Variants in PGBD2 observed in about 807,000 individuals in gnomAD.
PGBD2 encodes piggyBac transposable element derived 2.
PGBD2 carries 6 observed loss-of-function variants against 8.1 expected under a neutral mutation model. That is an observed-to-expected ratio of 0.74 (90% CI 0.40 to 1.46). PGBD2 has a LOEUF of 1.46. Among genes scored for constraint, PGBD2 ranks in the 40% most tolerant of loss-of-function variants. PGBD2 has a pLI of 0.02. For missense variants in PGBD2, 802 were observed against 739.0 expected, an observed-to-expected ratio of 1.09 and a Z score of -0.99; for synonymous variants, 318 against 272.2, an observed-to-expected ratio of 1.17 and a Z score of -1.66.
the PGBD2 span, among the ~76,000 whole-genome samples, chr1:248,873,401 C>T: frequency 6.6e-6 from 1 of 152,146 alleles, no homozygotes; most frequent in African/African-American, 2.4e-5. Flanking sequence ...GGGGAGGGTA[C>T]GCGCAGGCAC....
Position 248,918,502 on chromosome 1 carries a change from A to G in PGBD2, c.*139A>G, listed in dbSNP as rs2103118986. On this transcript the variant is annotated 3_prime_UTR_variant, in exon 3 of 3. Coordinates refer to ENST00000329291, the MANE Select transcript of PGBD2 (RefSeq NM_170725.3). The stretch of plus-strand genomic sequence containing the variant: ...ATTTTCTATTTTCTCCCTACCCACA[A>G]TACAGTTATCTTTTTTATTGTGTTG... The G allele has an allele frequency of 5.5e-6, 4 of 731,616 alleles. No homozygotes were observed. The East Asian group carries it at 1.2e-4, about 22-fold the overall frequency. 45.3% of individuals were successfully genotyped at this position (731,616 alleles called of 1,614,324 possible).
At position 248,918,609 on chromosome 1, in the gene PGBD2, A is replaced by T. The variant is rs989518648; in HGVS notation, c.*246A>T. On this transcript the variant is annotated 3_prime_UTR_variant, in exon 3 of 3. Transcript: ENST00000329291. ...TGAACTTATTTATTTAAAGTTATGGATCACTTTTTATTCAAATAAAAGTTG... is the reference window on the plus strand; with the variant it reads ...TGAACTTATTTATTTAAAGTTATGGTTCACTTTTTATTCAAATAAAAGTTG... 4 of 201,924 alleles carry T rather than the reference A, an allele frequency of 2.0e-5. No individual in the cohort carries two copies. The highest frequency in any genetic ancestry group is 1.2e-4 in the East Asian group (1 of 8,198). The allele number at this position is 201,924 out of a possible 1,614,324, so 12.5% of individuals were successfully genotyped here. A position where few individuals can be genotyped will look rare whatever the true frequency, so the allele number is the denominator to read the frequency against.
At chr1:248,874,271 A>G in the PGBD2 span, among the ~76,000 whole-genome samples, 31 of 152,188 alleles carry the variant, frequency 2.0e-4, 1 homozygote, top group Non-Finnish European at 3.2e-4. Flanking sequence ...AGTGGTTAGG[A>G]TTCGGCGCTC....
At chr1:248,883,212 C>T in the PGBD2 span, among the ~76,000 whole-genome samples, 14 of 152,268 alleles carry the variant, frequency 9.2e-5, no homozygotes, top group East Asian at 2.1e-3. Flanking sequence ...CAACCTCCGC[C>T]TCCCAGGTTC....
chr1:248,904,572 AC>A (rs1256520328), upstream of PGBD2, among the ~76,000 whole-genome samples: 6 of 152,054 alleles, frequency 3.9e-5, no homozygotes, highest in Admixed American at 2.6e-4. Context: ...TGTTGAACTC[AC>A]CCCCTCTTTG....
chr1:248,891,773 A>G, the PGBD2 span, among the ~76,000 whole-genome samples: 4 of 152,212 alleles, frequency 2.6e-5, no homozygotes, highest in Non-Finnish European at 5.9e-5. Flanking sequence ...GCAGTGAGCC[A>G]AGATTGAGCC....
the PGBD2 span, among the ~76,000 whole-genome samples, chr1:248,895,791 G>A: frequency 1.3e-4 from 20 of 151,926 alleles, no homozygotes; most frequent in Admixed American, 1.2e-3. Context: ...AGGTTCAAGC[G>A]ATTCTCTTGC....
At chr1:248,924,690 A>T (rs1185264708), downstream of PGBD2, among the ~76,000 whole-genome samples, 1 of 152,236 alleles carries the variant, frequency 6.6e-6, no homozygotes, top group Non-Finnish European at 1.5e-5. Context: ...TTCAAAAAGT[A>T]GCAAAGACAC....
chr1:248,924,230 GTTCT>G (rs1662341549), downstream of PGBD2, among the ~76,000 whole-genome samples: 1 of 152,224 alleles, frequency 6.6e-6, no homozygotes, highest in Admixed American at 6.5e-5. Context: ...AGTTGATGGA[GTTCT>G]TTCTTATGCG....
chr1:248,918,155 A>T lies in PGBD2; in HGVS notation c.1571A>T (p.Tyr524Phe), dbSNP rs368710878. The change falls in exon 3 of 3, where the codon TAT (tyrosine) becomes TTT (phenylalanine). Residue 524 changes from tyrosine (Y) to phenylalanine (F), a missense_variant. Tyr to Phe is a conservative substitution (Grantham distance 22). Transcript: ENST00000329291. ...TTCCGGAGATACATTGCCTGTGTGTATCTGGAGAGCAATGCTGACACAACA... is the reference window on the plus strand; with the variant it reads ...TTCCGGAGATACATTGCCTGTGTGTTTCTGGAGAGCAATGCTGACACAACA... Reference protein sequence around the residue: ...LAFRRYIACVYLESNADTTSQ... With the variant: ...LAFRRYIACVFLESNADTTSQ... The T allele has an allele frequency of 1.2e-6, 2 of 1,614,186 alleles. No homozygotes were observed. The highest frequency in any genetic ancestry group is 8.5e-7 in the Non-Finnish European group (1 of 1,180,034).
At chr1:248,888,164 A>G in the PGBD2 span, among the ~76,000 whole-genome samples, 1,388 of 152,298 alleles carry the variant, frequency 9.1e-3, 5 homozygotes, top group Non-Finnish European at 0.015. Context: ...TCCACCGTGG[A>G]TGGTCATCTA....
At chr1:248,924,368 A>AT (rs112108095), downstream of PGBD2, among the ~76,000 whole-genome samples, 1,312 of 152,330 alleles carry the variant, frequency 8.6e-3, 17 homozygotes, top group African/African-American at 0.029. Flanking sequence ...GATAAAAGTC[A>AT]TTTTTTAATC....
At position 248,917,654 on chromosome 1, in the gene PGBD2, T is replaced by A; in HGVS notation, c.1070T>A (p.Val357Asp). 6.2e-7 allele frequency: 1 copy of A among 1,614,204 alleles called. No homozygotes were observed. The highest frequency in any genetic ancestry group is 8.5e-7 in the Non-Finnish European group (1 of 1,180,032). Residue 357 changes from valine to aspartate, a missense_variant, in exon 3 of 3, where the codon GTT becomes GAT. Coordinates refer to ENST00000329291, the MANE Select transcript of PGBD2 (RefSeq NM_170725.3). Reference protein sequence around the residue: ...HIFFDKVFTSVKLMSILRKKG... With the variant: ...HIFFDKVFTSDKLMSILRKKG... ...TTTTTTGACAAGGTTTTCACAAGTG[T>A]TAAACTGATGTCCATTTTGAGGAAA... is the stretch of plus-strand genomic sequence containing the variant.
At chr1:248,929,752 CAA>C in the PGBD2 span, among the ~76,000 whole-genome samples, 1 of 152,098 alleles carries the variant, frequency 6.6e-6, no homozygotes, top group Admixed American at 6.5e-5. Context: ...GGTGTTTCCC[CAA>C]AACACTGATG....
At chr1:248,927,038 G>T in the PGBD2 span, among the ~76,000 whole-genome samples, 1 of 152,058 alleles carries the variant, frequency 6.6e-6, no homozygotes, top group Admixed American at 6.5e-5. Context: ...TGCAAGCTTA[G>T]GCAGATTTGG....
chr1:248,886,566 G>A, the PGBD2 span, among the ~76,000 whole-genome samples: 20,300 of 152,158 alleles, frequency 0.13, 2,695 homozygotes, highest in African/African-American at 0.33. Context: ...AAAAGGTGGG[G>A]GTTGGGGAAT....
Position 248,918,305 on chromosome 1 carries a change from G to A in PGBD2, c.1721G>A (p.Cys574Tyr). 1 of 1,593,032 alleles carries A rather than the reference G, an allele frequency of 6.3e-7. No individual in the cohort carries two copies. ...ALCHSQTNTRCEKCQKGVHAK... is the reference protein window; with the variant it reads ...ALCHSQTNTRYEKCQKGVHAK... ...TGCCACTCACAGACCAACACCCGGT[G>A]TGAGAAGTGCCAGAAGGGTGTCCAT... Residue 574 changes from cysteine (C) to tyrosine (Y), a missense_variant, in exon 3 of 3, where the codon TGT becomes TAT. Coordinates refer to ENST00000329291, the MANE Select transcript of PGBD2 (RefSeq NM_170725.3).
upstream of PGBD2, among the ~76,000 whole-genome samples, chr1:248,903,588 T>C (rs1248890526): frequency 6.6e-6 from 1 of 152,206 alleles, no homozygotes; most frequent in Non-Finnish European, 1.5e-5. Context: ...CCATATCATT[T>C]ATTAACAAGC....
upstream of PGBD2, among the ~76,000 whole-genome samples, chr1:248,902,268 C>CA (rs1331327616): frequency 0.026 from 2,603 of 99,946 alleles, 40 homozygotes; most frequent in African/African-American, 0.056. Context: ...GACTCCATCT[C>CA]AAAAAAAAAA....
Sources: allele counts gnomAD v4.1 joint callset (sites outside exome capture counted in the v4.1 genomes callset), GRCh38; gene constraint gnomAD v4.1.1; transcripts MANE v1.5; gene names NCBI Gene and HGNC (gene_info 2026-07-23, HGNC 2026-07-21).